The following VNN1 variants were observed in gnomAD, a reference collection of about 807,000 sequenced individuals.
VNN1 encodes the protein pantetheinase.
A neutral mutation model predicts 41.9 loss-of-function variants in VNN1; 29 were observed. The observed-to-expected ratio is 0.69, with a 90% CI of 0.52 to 0.94. The LOEUF is 0.94. VNN1 is among the 40% of genes least tolerant of loss of function. The pLI is 0.00. For synonymous variants in VNN1, 233 were observed against 224.4 expected (o/e 1.04, Z -0.34); for missense variants, 637 against 621.1 (o/e 1.03, Z -0.27).
chr6:132,709,222 A>C lies in VNN1; in HGVS notation c.341+2487T>G, dbSNP rs924816444. Among the ~76,000 whole-genome samples, 8 of 32,560 alleles carry C rather than the reference A, an allele frequency of 2.5e-4. No homozygotes were observed. In the Admixed American group the frequency reaches 2.9e-3, roughly 12 times the overall value. The allele number at this position is 32,560 out of a possible 152,430, so 21.4% of individuals were successfully genotyped here. On this transcript the variant is annotated intron_variant, in intron 2 of 6. Coordinates refer to ENST00000367928, the MANE Select transcript of VNN1 (RefSeq NM_004666.3). ...AATAGATAGATGATAGATAGATGAT[A>C]GATAGATAGATAATTATCTTTTTAA...
At chr6:132,710,201 C>A (rs544567937) in intron 2 of VNN1, among the ~76,000 whole-genome samples, 5 of 151,938 alleles carry the variant, frequency 3.3e-5, no homozygotes, top group African/African-American at 1.2e-4. Flanking sequence ...AGGTGCCCAC[C>A]ACCACGCCCC....
At chr6:132,700,185 T>G (rs1003676861) in intron 2 of VNN1, among the ~76,000 whole-genome samples, 3 of 152,238 alleles carry the variant, frequency 2.0e-5, no homozygotes, top group Admixed American at 6.5e-5. Flanking sequence ...ATTGGGTTTC[T>G]GAAAACTGTC....
chr6:132,683,934 T>G (rs1562212740), intron 6 of VNN1, among the ~76,000 whole-genome samples: 1 of 152,178 alleles, frequency 6.6e-6, no homozygotes, highest in Non-Finnish European at 1.5e-5. Flanking sequence ...TTTCCTTGTC[T>G]CTTTTCCTTC....
chr6:132,708,483 T>C (rs1245708516), intron 2 of VNN1, among the ~76,000 whole-genome samples: 1 of 152,166 alleles, frequency 6.6e-6, no homozygotes, highest in African/African-American at 2.4e-5. Flanking sequence ...TAACGCTCAG[T>C]CTAAGAGGTG....
At chr6:132,697,993 C>T (rs1205292108) in intron 2 of VNN1, among the ~76,000 whole-genome samples, 1 of 152,254 alleles carries the variant, frequency 6.6e-6, no homozygotes, top group Non-Finnish European at 1.5e-5. Flanking sequence ...TATTTTCCTA[C>T]TGACTCTATT....
At chr6:132,688,016 T>A (rs963145285) in intron 5 of VNN1, among the ~76,000 whole-genome samples, 1 of 152,200 alleles carries the variant, frequency 6.6e-6, no homozygotes, top group Non-Finnish European at 1.5e-5. Flanking sequence ...CCTCTCTTTG[T>A]GTCTCTTCCC....
Position 132,693,157 on chromosome 6 carries a change from G to A in VNN1, c.693C>T (p.Thr231=), listed in dbSNP as rs1410941251. The change falls in exon 4 of 7, where the codon ACC becomes ACT. Residue 231 remains threonine, a synonymous_variant. Coordinates refer to ENST00000367928, the MANE Select transcript of VNN1 (RefSeq NM_004666.3). ...VTLVKDFHVD[T]IVFPTAWMNV... ...TCATCCAAGCTGTTGGGAATACTAT[G>A]GTGTCCACGTGGAAATCTTTCACCA... 6.2e-7 allele frequency: 1 copy of A among 1,613,922 alleles called. No individual in the cohort carries two copies. The highest frequency in any genetic ancestry group is 1.3e-5 in the African/African-American group (1 of 74,892).
intron 2 of VNN1, among the ~76,000 whole-genome samples, chr6:132,695,569 G>A (rs1386028112): frequency 6.6e-6 from 1 of 152,158 alleles, no homozygotes; most frequent in African/African-American, 2.4e-5. Context: ...AGCTATTGTT[G>A]TGTATACATA....
intron 5 of VNN1, among the ~76,000 whole-genome samples, chr6:132,691,055 G>GA (rs1778277665): frequency 4.6e-5 from 7 of 152,164 alleles, no homozygotes; most frequent in African/African-American, 1.7e-4. Flanking sequence ...GCATATGCTA[G>GA]CAAATAGGAG....
intron 2 of VNN1, among the ~76,000 whole-genome samples, chr6:132,710,156 C>G (rs1418848452): frequency 6.6e-6 from 1 of 152,046 alleles, no homozygotes; most frequent in East Asian, 1.9e-4. Context: ...TCAAGCAGTT[C>G]TCCCTGCCTC....
Position 132,683,047 on chromosome 6 carries a change from T to C in VNN1, c.*93A>G. The stretch of plus-strand genomic sequence containing the variant: ...TAAAGAGAAACTAGTAATTCACTTA[T>C]ACTAGAGGATAATATTAACCCGGAC... On this transcript the variant is annotated 3_prime_UTR_variant, in exon 7 of 7. Coordinates refer to ENST00000367928, the MANE Select transcript of VNN1 (RefSeq NM_004666.3). 1 of 1,114,704 alleles carries C rather than the reference T, an allele frequency of 9.0e-7. No homozygotes were observed. The highest frequency in any genetic ancestry group is 2.6e-5 in the East Asian group (1 of 38,846). 69.1% of individuals were successfully genotyped at this position (1,114,704 alleles called of 1,614,324 possible).
chr6:132,703,199 C>G (rs1054870763), intron 2 of VNN1, among the ~76,000 whole-genome samples: 1 of 152,068 alleles, frequency 6.6e-6, no homozygotes, highest in African/African-American at 2.4e-5. Flanking sequence ...ACATCAATAA[C>G]CAATAAGAAA....
Position 132,693,166 on chromosome 6 carries a change from G to C in VNN1, c.684C>G (p.His228Gln). 1 of 1,614,056 alleles carries C rather than the reference G, an allele frequency of 6.2e-7. No homozygotes were observed. The highest frequency in any genetic ancestry group is 8.5e-7 in the Non-Finnish European group (1 of 1,179,992). The change falls in exon 4 of 7, where the codon CAC becomes CAG. Residue 228 changes from histidine (H) to glutamine (Q), a missense_variant. Physicochemically the swap from His to Gln is conservative, Grantham distance 24. Coordinates refer to ENST00000367928, the MANE Select transcript of VNN1 (RefSeq NM_004666.3). ...CTGTTGGGAATACTATGGTGTCCAC[G>C]TGGAAATCTTTCACCAAGGTAACAG... ...DPAVTLVKDF[H>Q]VDTIVFPTAW...
At chr6:132,711,891 A>T (rs745491348) in intron 1 of VNN1, 52 bp from the exon 2 acceptor site, 19 of 1,595,798 alleles carry the variant, frequency 1.2e-5, no homozygotes, top group Non-Finnish European at 1.5e-5. Context: ...GGAGCTGAGG[A>T]GCTGAGTGGC....
intron 5 of VNN1, among the ~76,000 whole-genome samples, chr6:132,690,762 A>G (rs1468917858): frequency 1.3e-5 from 2 of 152,128 alleles, no homozygotes; most frequent in Non-Finnish European, 2.9e-5. Flanking sequence ...CAAACAAAAT[A>G]CTGTGCAGTT....
intron 6 of VNN1, 104 bp from the exon 7 acceptor site, chr6:132,683,426 C>A (rs1267791717): frequency 2.5e-6 from 3 of 1,220,640 alleles, no homozygotes; most frequent in Non-Finnish European, 3.4e-6. Context: ...AAAATACTGG[C>A]CAAATTCCAT....
At chr6:132,707,214 G>A (rs1442863102) in intron 2 of VNN1, among the ~76,000 whole-genome samples, 1 of 124,822 alleles carries the variant, frequency 8.0e-6, no homozygotes, top group East Asian at 2.5e-4. Flanking sequence ...CAACAAGAGG[G>A]AGGCTCTGTC....
intron 2 of VNN1, chr6:132,698,778 T>C (rs557420605): frequency 2.3e-4 from 46 of 203,650 alleles, no homozygotes; most frequent in Non-Finnish European, 4.2e-4. Context: ...TCAATCACTA[T>C]CAAGATGATA....
chr6:132,707,197 G>T (rs1220067209), intron 2 of VNN1, among the ~76,000 whole-genome samples: 2 of 147,990 alleles, frequency 1.4e-5, no homozygotes, highest in Non-Finnish European at 3.0e-5. Flanking sequence ...TTGCACTTCA[G>T]CCTGGGCAAC....
Sources: allele counts gnomAD v4.1 joint callset (sites outside exome capture counted in the v4.1 genomes callset), GRCh38; gene constraint gnomAD v4.1.1; transcripts MANE v1.5; gene names NCBI Gene and HGNC (gene_info 2026-07-23, HGNC 2026-07-21).